The following MYO1F variants were observed in gnomAD, a reference collection of about 807,000 sequenced individuals.
The protein encoded by MYO1F is unconventional myosin-If.
A neutral mutation model predicts 146.6 loss-of-function variants in MYO1F; 60 were observed. That is an observed-to-expected ratio of 0.41 (90% CI 0.33 to 0.51). The LOEUF is 0.51. MYO1F is among the 20% of genes least tolerant of loss of function. The probability of loss-of-function intolerance (pLI) is 0.25; values close to 1 mark genes in which losing one functional copy is unlikely to be tolerated. For missense variants in MYO1F, 1,274 were observed against 1,534.3 expected (o/e 0.83, Z 2.83); for synonymous variants, 602 against 602.1 (o/e 1.00, Z 0.00).
At chr19:8,574,061 C>G (rs2042158138) in intron 1 of MYO1F, among the ~76,000 whole-genome samples, 1 of 152,040 alleles carries the variant, frequency 6.6e-6, no homozygotes, top group East Asian at 1.9e-4. Flanking sequence ...CCTTTCCTCT[C>G]CAAATAACAG....
chr19:8,547,409 G>A (rs1161438550), intron 12 of MYO1F, among the ~76,000 whole-genome samples: 1 of 150,854 alleles, frequency 6.6e-6, no homozygotes, highest in African/African-American at 2.4e-5. Context: ...TTTGAGACCA[G>A]TCTGGCCAAT....
intron 10 of MYO1F, among the ~76,000 whole-genome samples, chr19:8,549,128 T>G (rs1568355963): frequency 6.6e-6 from 1 of 151,784 alleles, no homozygotes; most frequent in Non-Finnish European, 1.5e-5. Context: ...TTCTTGTATT[T>G]TTAGTAGAGA....
intron 1 of MYO1F, among the ~76,000 whole-genome samples, chr19:8,562,448 T>G (rs993685247): frequency 6.6e-6 from 1 of 151,112 alleles, no homozygotes; most frequent in Non-Finnish European, 1.5e-5. Flanking sequence ...GCTGGGCCTA[T>G]GGGTGGAAGC....
chr19:8,542,825 G>A (rs1264937239), intron 14 of MYO1F, among the ~76,000 whole-genome samples: 4 of 150,968 alleles, frequency 2.6e-5, no homozygotes, highest in African/African-American at 7.3e-5. Context: ...GGATGGTCTC[G>A]ATCTCCTGAC....
At chr19:8,526,373 A>C (rs1192714979) in intron 24 of MYO1F, 80 bp downstream of exon 24, 9 of 1,522,328 alleles carry the variant, frequency 5.9e-6, no homozygotes, top group African/African-American at 1.4e-5. Flanking sequence ...CTCTGTAGAC[A>C]CTCCCCTTCC....
At chr19:8,574,625 CTTTCTTTCTTTCTTTCTTTCCT>C (rs1568381589) in intron 1 of MYO1F, among the ~76,000 whole-genome samples, 2 of 52,108 alleles carry the variant, frequency 3.8e-5, no homozygotes, top group Non-Finnish European at 7.8e-5. Flanking sequence ...TTCTTTCTTT[CTTTCTTTCTTTCTTTCTTTCCT>C]TTCTTTCTCT....
At chr19:8,543,783 GTGC>G (rs1351912154) in intron 14 of MYO1F, among the ~76,000 whole-genome samples, 1 of 10,708 alleles carries the variant, frequency 9.3e-5, no homozygotes, top group Non-Finnish European at 1.7e-4. Context: ...GGTGCTGGTG[GTGC>G]TGGTGGTGGT....
intron 14 of MYO1F, 191 bp downstream of exon 14, chr19:8,544,106 G>A: frequency 3.1e-6 from 2 of 654,916 alleles, no homozygotes; most frequent in Admixed American, 2.7e-5. Context: ...GTTCCTGGGG[G>A]GTCAGCCGGA....
At chr19:8,537,822 T>C (rs1000987595) in intron 16 of MYO1F, among the ~76,000 whole-genome samples, 14 of 152,148 alleles carry the variant, frequency 9.2e-5, no homozygotes, top group African/African-American at 3.4e-4. Flanking sequence ...CTCAGCCTCC[T>C]GTGCTCAAGC....
chr19:8,540,117 A>T, intron 15 of MYO1F, 89 bp from the exon 16 acceptor site: 1 of 959,826 alleles, frequency 1.0e-6, no homozygotes, highest in Non-Finnish European at 1.6e-6. Context: ...TCAATGCCGC[A>T]ACGCAAAATA....
intron 13 of MYO1F, 172 bp downstream of exon 13, chr19:8,545,478 A>C: frequency 1.4e-6 from 1 of 697,086 alleles, no homozygotes; most frequent in South Asian, 1.6e-5. Context: ...GGCGGAATGA[A>C]TGGATGAGGG....
At chr19:8,569,207 C>G (rs1470274408) in intron 1 of MYO1F, among the ~76,000 whole-genome samples, 1 of 152,062 alleles carries the variant, frequency 6.6e-6, no homozygotes, top group Non-Finnish European at 1.5e-5. Flanking sequence ...TGGGTCAAGT[C>G]AAAACTGTTT....
intron 19 of MYO1F, among the ~76,000 whole-genome samples, chr19:8,531,087 C>T (rs1972469132): frequency 6.6e-6 from 1 of 151,778 alleles, no homozygotes; most frequent in Non-Finnish European, 1.5e-5. Context: ...GTGGCTCATG[C>T]CTATAATCCC....
intron 12 of MYO1F, 58 bp from the exon 13 acceptor site, chr19:8,545,794 C>G: frequency 1.7e-6 from 2 of 1,182,472 alleles, no homozygotes; most frequent in Non-Finnish European, 2.5e-6. Flanking sequence ...GCCACCCTTC[C>G]CCCCATGTCC....
rs2913925 is a variant in MYO1F at position 8,554,577 on chromosome 19, A to C, written c.232-6T>G. Reference sequence around the variant, plus strand: ...GGGGGATTCTCATACTGGGCCTGGCAGGGGAGGTCAGGTCTCAGCCCAGGG... The same window carrying C: ...GGGGGATTCTCATACTGGGCCTGGCCGGGGAGGTCAGGTCTCAGCCCAGGG... On this transcript the variant is annotated splice_region_variant and splice_polypyrimidine_tract_variant and intron_variant, in intron 3 of 27. Transcript: ENST00000644032. 1 of 1,611,988 alleles carries C rather than the reference A, an allele frequency of 6.2e-7. No homozygotes were observed. Among genetic ancestry groups the C allele is most frequent in the Non-Finnish European group, 8.5e-7 (1 of 1,178,300 alleles).
intron 9 of MYO1F, 95 bp downstream of exon 9, chr19:8,550,467 C>T: frequency 1.2e-6 from 2 of 1,606,468 alleles, no homozygotes; most frequent in Non-Finnish European, 8.5e-7. Context: ...CATTTTTTTC[C>T]TCGTGGGCTT....
At chr19:8,547,322 AAAG>A (rs1973405777) in intron 12 of MYO1F, among the ~76,000 whole-genome samples, 1 of 149,082 alleles carries the variant, frequency 6.7e-6, no homozygotes, top group African/African-American at 2.5e-5. Flanking sequence ...AAAAAAAAAA[AAAG>A]CGGGGAATGG....
intron 1 of MYO1F, among the ~76,000 whole-genome samples, chr19:8,562,979 ACCTTCTTT>A (rs1294600868): frequency 6.6e-5 from 10 of 150,564 alleles, no homozygotes; most frequent in Middle Eastern, 3.5e-3. Context: ...TGACCTTAGC[ACCTTCTTT>A]CCTTCTTTCC....
chr19:8,532,950 A>ACACACACACACAC (rs1568337821), intron 19 of MYO1F, among the ~76,000 whole-genome samples: 1 of 140,464 alleles, frequency 7.1e-6, no homozygotes, highest in African/African-American at 2.7e-5. Flanking sequence ...ACACACACAC[A>ACACACACACACAC]ATTGGGCTTT....
Sources: gnomAD v4.1 joint callset for allele counts (sites outside exome capture counted in the v4.1 genomes callset) on GRCh38, gnomAD v4.1.1 for gene constraint, MANE v1.5 for transcripts, NCBI Gene and HGNC (gene_info 2026-07-23, HGNC 2026-07-21) for gene names.